The following DCP1B variants were observed in gnomAD, a reference collection of about 807,000 sequenced individuals.
DCP1B encodes decapping mRNA 1B.
Under a neutral mutation model 60.5 loss-of-function variants are expected in DCP1B, and 47 were observed. The ratio of observed to expected loss-of-function variants is 0.78; its 90% CI spans 0.61 to 0.99. DCP1B has a LOEUF of 0.99. DCP1B is among the 50% of genes least tolerant of loss of function. The pLI, the probability that DCP1B is intolerant of heterozygous loss-of-function variation, is 0.00. For synonymous variants in DCP1B, 267 were observed against 280.3 expected, an observed-to-expected ratio of 0.95 and a Z score of 0.47; for missense variants, 725 against 756.8, an observed-to-expected ratio of 0.96 and a Z score of 0.49.
chr12:1,995,521 CTG>C (rs2040586195), intron 2 of DCP1B, among the ~76,000 whole-genome samples: 1 of 152,248 alleles, frequency 6.6e-6, no homozygotes, highest in African/African-American at 2.4e-5. Context: ...TCTTCTGAGA[CTG>C]TGAAGAACCT....
At chr12:1,955,298 T>G (rs1239024622) in intron 6 of DCP1B, 134 bp downstream of exon 6, 2 of 1,126,178 alleles carry the variant, frequency 1.8e-6, no homozygotes, top group Non-Finnish European at 2.4e-6. Context: ...ATCTGTATTC[T>G]GAAATCCCGC....
chr12:1,990,799 A>G (rs192639137), intron 3 of DCP1B, among the ~76,000 whole-genome samples: 2 of 152,206 alleles, frequency 1.3e-5, no homozygotes, highest in African/African-American at 2.4e-5. Flanking sequence ...CATGTAAACC[A>G]TACATAATTA....
chr12:1,965,623 A>C lies in DCP1B; in HGVS notation c.457T>G (p.Ser153Ala). Reference protein sequence around the residue: ...GAGISPVILNSGEGKEVDILR... With the variant: ...GAGISPVILNAGEGKEVDILR... ...ATGTCTACTTCTTTGCCCTCTCCTG[A>C]ATTGAGGATCACTGGGGAAATTCCT... The change falls in exon 5 of 9, where the codon TCA becomes GCA. Residue 153 changes from serine to alanine, a missense_variant. Transcript: ENST00000280665. The C allele has an allele frequency of 6.2e-7, 1 of 1,614,016 alleles. No homozygotes were observed. The highest frequency in any genetic ancestry group is 8.5e-7 in the Non-Finnish European group (1 of 1,179,930).
At chr12:1,997,380 C>A (rs556412881) in intron 2 of DCP1B, among the ~76,000 whole-genome samples, 1 of 152,146 alleles carries the variant, frequency 6.6e-6, no homozygotes, top group South Asian at 2.1e-4. Context: ...ATTAGCTGGG[C>A]GTGGTGGCGC....
intron 2 of DCP1B, among the ~76,000 whole-genome samples, chr12:1,996,628 AAAAAAAAAAAAAAAAAAAAAAAAAAAAC>A (rs1193214558): frequency 9.2e-5 from 6 of 65,332 alleles, no homozygotes; most frequent in African/African-American, 5.3e-4. Flanking sequence ...AAAAAAAAAA[AAAAAAAAAAAAAAAAAAAAAAAAAAAAC>A]AACAAACTCT....
Position 1,971,033 on chromosome 12 carries a change from A to T in DCP1B, c.320-3123T>A, listed in dbSNP as rs2032044284. On this transcript the variant is annotated intron_variant, in intron 3 of 8. Coordinates refer to ENST00000280665, the MANE Select transcript of DCP1B (RefSeq NM_152640.5). The surrounding 1 kb of genome is among the most constrained non-coding windows in gnomAD (Gnocchi z 4.2). Reference sequence around the variant, plus strand: ...GGATAATTATTTAGCTTTAAAAATCAACCAATTAATATACATCTGGAAATT... The same window carrying T: ...GGATAATTATTTAGCTTTAAAAATCTACCAATTAATATACATCTGGAAATT... 2 of 1,261,868 alleles carry T rather than the reference A, an allele frequency of 1.6e-6. No homozygotes were observed. The highest frequency in any genetic ancestry group is 1.5e-5 in the African/African-American group (1 of 64,878). 78.2% of individuals were successfully genotyped at this position (1,261,868 alleles called of 1,614,324 possible). A position where few individuals can be genotyped will look rare whatever the true frequency, so the allele number is the denominator to read the frequency against.
At chr12:2,001,593 A>G (rs1207698085) in intron 1 of DCP1B, among the ~76,000 whole-genome samples, 3 of 152,226 alleles carry the variant, frequency 2.0e-5, no homozygotes, top group Non-Finnish European at 4.4e-5. Context: ...GTAGGTCTCA[A>G]CTTATCCTCC....
At chr12:1,993,228 G>A (rs752184904) in intron 3 of DCP1B, 36 bp downstream of exon 3, 5 of 1,613,838 alleles carry the variant, frequency 3.1e-6, no homozygotes. Flanking sequence ...CCAAACTTCA[G>A]AAGTAAAACA....
intron 3 of DCP1B, among the ~76,000 whole-genome samples, chr12:1,970,402 G>A (rs1240457048): frequency 6.6e-6 from 1 of 151,696 alleles, no homozygotes; most frequent in African/African-American, 2.4e-5. Context: ...AATTTAAATA[G>A]CCAAAGGGGA....
chr12:1,956,536 A>C (rs1053628813), intron 5 of DCP1B, among the ~76,000 whole-genome samples: 4 of 152,204 alleles, frequency 2.6e-5, no homozygotes, highest in Non-Finnish European at 5.9e-5. Context: ...CACTGTATGC[A>C]CTGTATGTGA....
At position 1,952,779 on chromosome 12, in the gene DCP1B, A is replaced by C. The variant is rs771490642; in HGVS notation, c.1161T>G (p.Ala387=). The change falls in exon 7 of 9, where the codon GCT becomes GCG. Residue 387 remains alanine, a synonymous_variant. Transcript: ENST00000280665. ...ASSAALNRSR[A]PTSVTPVAPG... ...GAGCCACAGGGGTGACAGAAGTGGG[A>C]GCTCTGCTGCGGTTCAGGGCAGCTG... 6.2e-7 allele frequency: 1 copy of C among 1,614,088 alleles called. No individual in the cohort carries two copies. The highest frequency in any genetic ancestry group is 8.5e-7 in the Non-Finnish European group (1 of 1,180,014).
At chr12:1,963,875 A>T (rs558743930) in intron 5 of DCP1B, among the ~76,000 whole-genome samples, 6 of 152,312 alleles carry the variant, frequency 3.9e-5, no homozygotes, top group African/African-American at 1.2e-4. Flanking sequence ...TTTTATACCT[A>T]AGAAACAAAA....
chr12:1,965,014 G>A (rs963868838), intron 5 of DCP1B, among the ~76,000 whole-genome samples: 1 of 152,120 alleles, frequency 6.6e-6, no homozygotes, highest in African/African-American at 2.4e-5. Flanking sequence ...GAGAAGTGGG[G>A]AGGGGAGGGG....
In DCP1B at chr12:1,948,537, T is replaced by C. The variant is rs893219354; in HGVS notation, c.1773+549A>G. On this transcript the variant is annotated intron_variant, in intron 8 of 8. Coordinates refer to ENST00000280665, the MANE Select transcript of DCP1B (RefSeq NM_152640.5). This position sits in a 1 kb window ranked among gnomAD's most constrained non-coding sequence, Gnocchi z 4.8. ...CACTCATTATTATTTCATAATTTCA[T>C]AGGCAAGTGAGGCTAGCAGCTCACA... Among the ~76,000 whole-genome samples the C allele has an allele frequency of 1.6e-4, 25 of 152,374 alleles. No individual in the cohort carries two copies. Among genetic ancestry groups the C allele is most frequent in the African/African-American group, 5.5e-4 (23 of 41,588 alleles).
chr12:1,943,081 T>A, downstream of DCP1B, among the ~76,000 whole-genome samples: 1 of 150,084 alleles, frequency 6.7e-6, no homozygotes, highest in Non-Finnish European at 1.5e-5. Context: ...GAGAGAAGAG[T>A]CAAATAGACA....
chr12:1,942,693 T>C (rs150435720), downstream of DCP1B, among the ~76,000 whole-genome samples: 4,191 of 152,252 alleles, frequency 0.028, 93 homozygotes, highest in Middle Eastern at 0.058. Flanking sequence ...GAATGACTAC[T>C]GGGTAAATAA....
In DCP1B at chr12:2,004,270, G is replaced by A. The variant is rs548653719; in HGVS notation, c.150+12C>T. The A allele has an allele frequency of 3.7e-6, 6 of 1,612,816 alleles. No individual in the cohort carries two copies. The highest frequency in any genetic ancestry group is 3.3e-4 in the Middle Eastern group (2 of 6,058). On this transcript the variant is annotated intron_variant, in intron 1 of 8. Transcript: ENST00000280665. ...ACCCTGGGCTGCACTGCTCCGCCGC[G>A]TCCGCACGCACCCACTCGTTGGCCC...
In DCP1B at chr12:1,971,254, T is replaced by A; in HGVS notation, c.320-3344A>T. 1 of 993,410 alleles carries A rather than the reference T, an allele frequency of 1.0e-6. No individual in the cohort carries two copies. The highest frequency in any genetic ancestry group is 1.4e-6 in the Non-Finnish European group (1 of 722,922). The allele number at this position is 993,410 out of a possible 1,614,324, so 61.5% of individuals were successfully genotyped here. On this transcript the variant is annotated intron_variant, in intron 3 of 8. Coordinates refer to ENST00000280665, the MANE Select transcript of DCP1B (RefSeq NM_152640.5). The surrounding 1 kb of genome is among the most constrained non-coding windows in gnomAD (Gnocchi z 4.2). ...GTAGGAAGAACATGTTGAAATTTAC[T>A]CTAAATATCCTAATGATACCTAGAA...
At chr12:1,957,146 T>C (rs1280332883) in intron 5 of DCP1B, among the ~76,000 whole-genome samples, 5 of 152,214 alleles carry the variant, frequency 3.3e-5, no homozygotes, top group African/African-American at 1.2e-4. Context: ...TTTAATTTTG[T>C]ATGCTTTTCC....
Sources: gnomAD v4.1 joint callset for allele counts (sites outside exome capture counted in the v4.1 genomes callset) on GRCh38, gnomAD v4.1.1 for gene constraint, Gnocchi (gnomAD v3.1) non-coding constraint, MANE v1.5 for transcripts, NCBI Gene and HGNC (gene_info 2026-07-23, HGNC 2026-07-21) for gene names.